Variants in DNAJC1 observed in about 807,000 individuals in gnomAD.
The protein encoded by DNAJC1 is DnaJ heat shock protein family (Hsp40) member C1.
A neutral mutation model predicts 76.6 loss-of-function variants in DNAJC1; 58 were observed. The ratio of observed to expected loss-of-function variants is 0.76; its 90% CI spans 0.61 to 0.94. DNAJC1 has a LOEUF of 0.94. Ranked by LOEUF, DNAJC1 falls within the 40% of genes least tolerant of loss-of-function variation. DNAJC1 has a pLI of 0.00. For synonymous variants in DNAJC1, 258 were observed against 267.9 expected, an observed-to-expected ratio of 0.96 and a Z score of 0.36; for missense variants, 689 against 677.3, an observed-to-expected ratio of 1.02 and a Z score of -0.19.
At chr10:21,926,985 GA>G (rs915583490) in intron 3 of DNAJC1, among the ~76,000 whole-genome samples, 11 of 152,024 alleles carry the variant, frequency 7.2e-5, no homozygotes, top group Admixed American at 1.3e-4. Flanking sequence ...CAAACAAAAA[GA>G]AAAAAACCTC....
At chr10:21,777,942 G>C (rs1834474598) in intron 9 of DNAJC1, among the ~76,000 whole-genome samples, 1 of 152,184 alleles carries the variant, frequency 6.6e-6, no homozygotes, top group South Asian at 2.1e-4. Context: ...AATCCCAATA[G>C]TTTGGGAGTC....
At chr10:21,778,741 A>T (rs1409430737) in intron 9 of DNAJC1, among the ~76,000 whole-genome samples, 1 of 152,098 alleles carries the variant, frequency 6.6e-6, no homozygotes, top group Non-Finnish European at 1.5e-5. Context: ...CTTGTCAGAC[A>T]GTGGGTGCAG....
chr10:21,812,761 C>T (rs1176975746), intron 8 of DNAJC1, among the ~76,000 whole-genome samples: 1 of 151,940 alleles, frequency 6.6e-6, no homozygotes. Flanking sequence ...TTTGAAATAG[C>T]TTTAGGTTTA....
intron 1 of DNAJC1, among the ~76,000 whole-genome samples, chr10:21,991,021 T>C (rs375255867): frequency 6.6e-6 from 1 of 152,156 alleles, no homozygotes; most frequent in East Asian, 1.9e-4. Context: ...GAATCCCTGA[T>C]TGGTATTATA....
chr10:21,949,066 A>G (rs1308877473), intron 1 of DNAJC1, among the ~76,000 whole-genome samples: 1 of 152,198 alleles, frequency 6.6e-6, no homozygotes, highest in Non-Finnish European at 1.5e-5. Flanking sequence ...AAAAATCTGT[A>G]TGTATATTTG....
intron 9 of DNAJC1, among the ~76,000 whole-genome samples, chr10:21,774,140 CAAA>C (rs1285771891): frequency 1.8e-5 from 1 of 55,438 alleles, no homozygotes. Flanking sequence ...GACTCCGTCT[CAAA>C]AAAAAAAAAA....
intron 9 of DNAJC1, 130 bp from the exon 10 acceptor site, chr10:21,766,439 C>G (rs12241452): frequency 1.1e-5 from 8 of 696,566 alleles, no homozygotes; most frequent in Non-Finnish European, 2.0e-5. Context: ...GACCCTCAGT[C>G]GTCTGTCGCA....
At chr10:21,757,584 T>G (rs116867268) in intron 11 of DNAJC1, among the ~76,000 whole-genome samples, 2 of 152,238 alleles carry the variant, frequency 1.3e-5, no homozygotes, top group Non-Finnish European at 2.9e-5. Flanking sequence ...GGGTTTTTTT[T>G]CTGCATCCCC....
At chr10:21,778,261 C>T (rs1368929146) in intron 9 of DNAJC1, among the ~76,000 whole-genome samples, 3 of 152,106 alleles carry the variant, frequency 2.0e-5, no homozygotes, top group Non-Finnish European at 4.4e-5. Flanking sequence ...AATATGAGGA[C>T]CTGCAAAGTC....
intron 1 of DNAJC1, among the ~76,000 whole-genome samples, chr10:21,960,152 G>T (rs1402386350): frequency 6.6e-6 from 1 of 152,110 alleles, no homozygotes; most frequent in Non-Finnish European, 1.5e-5. Context: ...AAAAACAGAT[G>T]CAGTTAAAAG....
intron 8 of DNAJC1, among the ~76,000 whole-genome samples, chr10:21,872,072 T>C (rs372798756): frequency 1.7e-4 from 25 of 149,884 alleles, no homozygotes; most frequent in Non-Finnish European, 3.6e-4. Context: ...CGTTAAATCA[T>C]CTTTTTTTTT....
intron 8 of DNAJC1, among the ~76,000 whole-genome samples, chr10:21,812,958 A>G (rs1359979991): frequency 6.6e-6 from 1 of 151,128 alleles, no homozygotes; most frequent in Non-Finnish European, 1.5e-5. Flanking sequence ...TGTAAAACCA[A>G]TAGGATACTG....
At chr10:21,978,469 G>A (rs1253441021) in intron 1 of DNAJC1, among the ~76,000 whole-genome samples, 1 of 152,140 alleles carries the variant, frequency 6.6e-6, no homozygotes, top group African/African-American at 2.4e-5. Flanking sequence ...AGCTTGAAGT[G>A]CTTTCAGTAA....
intron 8 of DNAJC1, among the ~76,000 whole-genome samples, chr10:21,858,702 G>A (rs182585399): frequency 6.6e-6 from 1 of 152,276 alleles, no homozygotes; most frequent in African/African-American, 2.4e-5. Context: ...CCTAGGGAGA[G>A]AGATAACGAG....
chr10:21,780,899 A>G (rs1834520340), intron 9 of DNAJC1, among the ~76,000 whole-genome samples: 1 of 152,232 alleles, frequency 6.6e-6, no homozygotes, highest in South Asian at 2.1e-4. Context: ...AGATGGAGGA[A>G]GATCTACCAA....
At chr10:21,857,343 A>G (rs561474187) in intron 8 of DNAJC1, among the ~76,000 whole-genome samples, 19 of 151,700 alleles carry the variant, frequency 1.3e-4, no homozygotes, top group African/African-American at 4.6e-4. Context: ...ATTTTTGTGT[A>G]TATAGATAAA....
At chr10:21,886,939 G>A (rs1257609886) in intron 7 of DNAJC1, among the ~76,000 whole-genome samples, 2 of 152,108 alleles carry the variant, frequency 1.3e-5, no homozygotes, top group Non-Finnish European at 2.9e-5. Flanking sequence ...TAAAAAGAGA[G>A]GAAGCCAAAC....
At chr10:21,853,636 A>T (rs1835788191) in intron 8 of DNAJC1, among the ~76,000 whole-genome samples, 1 of 151,926 alleles carries the variant, frequency 6.6e-6, no homozygotes, top group Non-Finnish European at 1.5e-5. Flanking sequence ...TCTCCTAAAA[A>T]TATAAAAATT....
At chr10:21,883,784 T>C (rs967024319) in intron 7 of DNAJC1, among the ~76,000 whole-genome samples, 3 of 152,176 alleles carry the variant, frequency 2.0e-5, no homozygotes, top group African/African-American at 4.8e-5. Flanking sequence ...CTACCGCATA[T>C]TGCTAGTCCA....
Sources: gnomAD v4.1 joint callset for allele counts (sites outside exome capture counted in the v4.1 genomes callset) on GRCh38, gnomAD v4.1.1 for gene constraint, MANE v1.5 for transcripts, NCBI Gene and HGNC (gene_info 2026-07-23, HGNC 2026-07-21) for gene names.